ROBO2: variants seen among roughly 807,000 people sequenced by gnomAD.
The protein encoded by ROBO2 is roundabout homolog 2.
ROBO2 carries 53 observed loss-of-function variants against 160.8 expected under a neutral mutation model. That is an observed-to-expected ratio of 0.33 (90% CI 0.26 to 0.41). The LOEUF (loss-of-function observed/expected upper bound fraction) is 0.41. Among genes scored for constraint, ROBO2 ranks in the 10% least tolerant of loss-of-function variants. ROBO2 has a pLI of 1.00. For missense variants in ROBO2, 1,577 were observed against 1,722.4 expected (o/e 0.92, Z 1.49); for synonymous variants, 664 against 611.7 (o/e 1.09, Z -1.26).
chr3:77,578,619 G>A lies in ROBO2; in HGVS notation c.2328+1005G>A, dbSNP rs76278448. On this transcript the variant is annotated intron_variant, in intron 15 of 25. Coordinates refer to ENST00000461745, the Ensembl canonical transcript of ROBO2. ...CAAATGAATGGACTAAATGTATAAGGCTTTATTTTAAAATGATTTCTATCA... is the reference window on the plus strand; with the variant it reads ...CAAATGAATGGACTAAATGTATAAGACTTTATTTTAAAATGATTTCTATCA... Among the ~76,000 whole-genome samples the A allele has an allele frequency of 4.3e-4, 66 of 151,988 alleles. 1 individual carries two copies. The highest frequency in any genetic ancestry group is 1.5e-3 in the African/African-American group (62 of 41,518).
At chr3:77,328,062 CA>C (rs57829219) in intron 2 of ROBO2, among the ~76,000 whole-genome samples, 52 of 112,836 alleles carry the variant, frequency 4.6e-4, no homozygotes, top group African/African-American at 1.8e-3. Flanking sequence ...GACCGTATCT[CA>C]AAAAAAAAAA....
intron 5 of ROBO2, among the ~76,000 whole-genome samples, chr3:77,518,463 T>C (rs896069496): frequency 6.6e-6 from 1 of 151,530 alleles, no homozygotes; most frequent in African/African-American, 2.4e-5. Context: ...AAAGTCTGTT[T>C]GTTTTTAAAT....
chr3:77,091,712 C>T (rs888705519), intron 1 of ROBO2, among the ~76,000 whole-genome samples: 3 of 152,188 alleles, frequency 2.0e-5, no homozygotes, highest in African/African-American at 7.2e-5. Context: ...GGTAAGGTGG[C>T]TCATGCCTGT....
At chr3:77,360,297 A>C (rs963270722) in intron 2 of ROBO2, among the ~76,000 whole-genome samples, 2 of 147,180 alleles carry the variant, frequency 1.4e-5, no homozygotes, top group African/African-American at 4.9e-5. Context: ...TATTCTACCC[A>C]TAAGTAGCAA....
chr3:76,144,439 G>A (rs895564692), intron 2 of ROBO2, among the ~76,000 whole-genome samples: 5 of 151,974 alleles, frequency 3.3e-5, no homozygotes, highest in African/African-American at 1.2e-4. Context: ...GTACAAAAAA[G>A]TAGATCTATA....
At chr3:77,552,934 G>A (rs554349971) in intron 8 of ROBO2, among the ~76,000 whole-genome samples, 1 of 151,854 alleles carries the variant, frequency 6.6e-6, no homozygotes, top group Non-Finnish European at 1.5e-5. Context: ...ATAATTCAGG[G>A]AATTGTAGAG....
chr3:77,180,359 T>C (rs1447604032), intron 2 of ROBO2, among the ~76,000 whole-genome samples: 1 of 148,164 alleles, frequency 6.7e-6, no homozygotes, highest in African/African-American at 2.5e-5. Flanking sequence ...AGATAGGGAG[T>C]AGAAAATGTT....
intron 2 of ROBO2, among the ~76,000 whole-genome samples, chr3:76,709,655 G>T (rs267164): frequency 0.46 from 69,715 of 151,980 alleles, 16,566 homozygotes; most frequent in Non-Finnish European, 0.53. Context: ...CAGGAGATTT[G>T]AAGCAGGAAA....
intron 2 of ROBO2, among the ~76,000 whole-genome samples, chr3:77,376,377 C>T (rs1300089819): frequency 2.0e-5 from 3 of 151,806 alleles, no homozygotes; most frequent in Admixed American, 1.3e-4. Flanking sequence ...AATCTGGTCT[C>T]GAACTCCTGA....
At chr3:77,506,728 G>A (rs1561025366) in intron 5 of ROBO2, among the ~76,000 whole-genome samples, 1 of 152,024 alleles carries the variant, frequency 6.6e-6, no homozygotes, top group East Asian at 1.9e-4. Context: ...TGATTTCATG[G>A]AAAAAATCAA....
intron 2 of ROBO2, among the ~76,000 whole-genome samples, chr3:77,416,288 A>G (rs1273713927): frequency 6.6e-6 from 1 of 152,144 alleles, no homozygotes; most frequent in East Asian, 1.9e-4. Flanking sequence ...GCACCATTTA[A>G]TTGGCTAAAG....
intron 2 of ROBO2, among the ~76,000 whole-genome samples, chr3:76,024,278 A>G (rs1325353916): frequency 1.3e-5 from 2 of 151,660 alleles, no homozygotes; most frequent in South Asian, 2.1e-4. Flanking sequence ...TGTTTTGTCT[A>G]TCGTTATGAA....
intron 2 of ROBO2, among the ~76,000 whole-genome samples, chr3:77,319,491 T>A (rs2153430014): frequency 6.6e-6 from 1 of 152,324 alleles, no homozygotes; most frequent in East Asian, 1.9e-4. Context: ...AATATCTAAG[T>A]AGTCTAGGCC....
At chr3:76,019,192 C>T (rs936719567) in intron 2 of ROBO2, among the ~76,000 whole-genome samples, 7 of 151,362 alleles carry the variant, frequency 4.6e-5, no homozygotes, top group African/African-American at 9.7e-5. Context: ...TCTGAAGTTC[C>T]GTATGTATCT....
In ROBO2 at chr3:77,016,985, G is replaced by T. The variant is rs1016086001; in HGVS notation, c.110-81029G>T. 2.0e-5 allele frequency among the ~76,000 whole-genome samples: 3 copies of T among 152,178 alleles called. No homozygotes were observed. The East Asian group carries it at 5.8e-4, about 29-fold the overall frequency. ...TTATGATCAGATATCAGTAGAATAG[G>T]TCATCTGAAACTTTTCTGCCACTTC... On this transcript the variant is annotated intron_variant, in intron 2 of 26. Coordinates refer to the ROBO2 transcript ENST00000487694.
intron 2 of ROBO2, among the ~76,000 whole-genome samples, chr3:77,436,808 T>C (rs1248406791): frequency 6.6e-6 from 1 of 151,922 alleles, no homozygotes; most frequent in East Asian, 1.9e-4. Flanking sequence ...TGAAGTCTAT[T>C]CAAATAGGAA....
chr3:76,690,461 G>A (rs559293704), intron 2 of ROBO2, among the ~76,000 whole-genome samples: 1 of 151,966 alleles, frequency 6.6e-6, no homozygotes, highest in South Asian at 2.1e-4. Context: ...CAACATCAAG[G>A]CACCATCTTG....
At chr3:76,888,542 A>T (rs2148800986) in intron 2 of ROBO2, among the ~76,000 whole-genome samples, 1 of 152,360 alleles carries the variant, frequency 6.6e-6, no homozygotes, top group Admixed American at 6.5e-5. Context: ...TATGAATAGG[A>T]ATTAAAGTTT....
At chr3:76,951,932 G>GT (rs1466380304) in intron 2 of ROBO2, among the ~76,000 whole-genome samples, 7 of 152,204 alleles carry the variant, frequency 4.6e-5, no homozygotes, top group Non-Finnish European at 8.8e-5. Flanking sequence ...ATCTATTCAA[G>GT]TTTTCAGGGA....
Sources: allele counts gnomAD v4.1 joint callset (sites outside exome capture counted in the v4.1 genomes callset), GRCh38; gene constraint gnomAD v4.1.1; transcripts MANE v1.5; gene names NCBI Gene and HGNC (gene_info 2026-07-23, HGNC 2026-07-21).